The following CNTNAP4 variants were observed in gnomAD, a reference collection of about 807,000 sequenced individuals.
CNTNAP4 encodes contactin-associated protein-like 4.
In CNTNAP4, 98 loss-of-function variants were observed where a neutral mutation model predicts 148.4. The observed-to-expected ratio is 0.66, with a 90% CI of 0.56 to 0.78. CNTNAP4 has a LOEUF of 0.78. Among genes scored for constraint, CNTNAP4 ranks in the 30% least tolerant of loss-of-function variants. The probability of loss-of-function intolerance (pLI) is 0.00; values close to 1 mark genes in which losing one functional copy is unlikely to be tolerated. For missense variants in CNTNAP4, 1,935 were observed against 1,565.6 expected, an observed-to-expected ratio of 1.24 and a Z score of -3.98; for synonymous variants, 730 against 565.1, an observed-to-expected ratio of 1.29 and a Z score of -4.14.
chr16:76,540,870 C>T lies in CNTNAP4; in HGVS notation c.3442+80C>T, dbSNP rs929854499. Reference sequence around the variant, plus strand: ...TGGATCAGAAAAGTCATATTACACACACCCACTTCGTCATGGCAAAGGAAA... The same window carrying T: ...TGGATCAGAAAAGTCATATTACACATACCCACTTCGTCATGGCAAAGGAAA... On this transcript the variant is annotated intron_variant, in intron 21 of 23. Coordinates refer to ENST00000611870, the MANE Select transcript of CNTNAP4 (RefSeq NM_033401.5). The T allele has an allele frequency of 9.8e-6, 9 of 918,192 alleles. No homozygotes were observed. In the African/African-American group the frequency reaches 1.3e-4, roughly 14 times the overall value. 56.9% of individuals were successfully genotyped at this position (918,192 alleles called of 1,614,324 possible). A position where few individuals can be genotyped will look rare whatever the true frequency, so the allele number is the denominator to read the frequency against.
Position 76,509,258 on chromosome 16 carries a change from G to A in CNTNAP4, c.2365+10564G>A, listed in dbSNP as rs553375365. On this transcript the variant is annotated intron_variant, in intron 15 of 23. Transcript: ENST00000611870. ...TCATGGTGGTTGAGGACCGTCCTGT[G>A]CATTGTTGGAGCTAAGCAGTATCCC... Among the ~76,000 whole-genome samples, 126 of 96,390 alleles carry A rather than the reference G, an allele frequency of 1.3e-3. 22 individuals are homozygous for A. Among genetic ancestry groups the A allele is most frequent in the African/African-American group, 2.7e-3 (104 of 38,634 alleles). 63.2% of individuals were successfully genotyped at this position (96,390 alleles called of 152,430 possible). A position where few individuals can be genotyped will look rare whatever the true frequency, so the allele number is the denominator to read the frequency against.
Position 76,277,716 on chromosome 16 carries a change from A to G in CNTNAP4, c.54A>G (p.Gln18=), listed in dbSNP as rs1169375325. The change falls in exon 1 of 24, where the codon CAA becomes CAG. Residue 18 remains glutamine, a synonymous_variant. Transcript: ENST00000611870. ...AGACGCTACTTCTGTTATCTACTCA[A>G]AATTGGAACAGAGTCGAAGCTGGGA... ...VLKTLLLLST[Q]NWNRVEAGNS... 2 of 1,604,814 alleles carry G rather than the reference A, an allele frequency of 1.2e-6. No homozygotes were observed. Among genetic ancestry groups the G allele is most frequent in the African/African-American group, 1.3e-5 (1 of 74,962 alleles).
intron 2 of CNTNAP4, among the ~76,000 whole-genome samples, chr16:76,351,363 C>CA (rs56676992): frequency 0.042 from 5,855 of 140,626 alleles, 352 homozygotes; most frequent in African/African-American, 0.13. Flanking sequence ...TAGGCTGGCC[C>CA]AAAAAAAAAA....
intron 17 of CNTNAP4, among the ~76,000 whole-genome samples, chr16:76,534,922 G>A (rs1392861702): frequency 2.6e-5 from 4 of 152,128 alleles, no homozygotes; most frequent in Admixed American, 6.5e-5. Context: ...TTTCTGTATC[G>A]ATCCCCTTTT....
intron 15 of CNTNAP4, among the ~76,000 whole-genome samples, chr16:76,520,360 T>G (rs991747824): frequency 1.3e-5 from 2 of 152,212 alleles, no homozygotes; most frequent in Admixed American, 1.3e-4. Flanking sequence ...AAATTAAAGA[T>G]AAGTGGTATT....
At chr16:76,442,106 G>A (rs760772230) in intron 4 of CNTNAP4, among the ~76,000 whole-genome samples, 53 of 152,050 alleles carry the variant, frequency 3.5e-4, no homozygotes, top group African/African-American at 1.1e-3. Context: ...TTATCCAGGC[G>A]GACCTGATGT....
At chr16:76,293,313 C>T (rs898711898) in intron 1 of CNTNAP4, among the ~76,000 whole-genome samples, 1 of 151,962 alleles carries the variant, frequency 6.6e-6, no homozygotes, top group Non-Finnish European at 1.5e-5. Context: ...TTAGTAGAGA[C>T]GGGGTTTCAC....
chr16:76,366,542 C>T (rs1200452263), intron 3 of CNTNAP4, among the ~76,000 whole-genome samples: 4 of 152,144 alleles, frequency 2.6e-5, no homozygotes, highest in African/African-American at 9.7e-5. Context: ...CATTGATGGG[C>T]ATTTATGTTG....
chr16:76,292,001 T>C (rs1474597814), intron 1 of CNTNAP4, among the ~76,000 whole-genome samples: 4 of 152,220 alleles, frequency 2.6e-5, no homozygotes, highest in African/African-American at 9.6e-5. Context: ...ATCAAGTGGA[T>C]ATACTTTTAT....
rs140973943 is a variant in CNTNAP4 at position 76,409,732 on chromosome 16, A to G, written c.391-17720A>G. Among the ~76,000 whole-genome samples the G allele has an allele frequency of 2.0e-3, 301 of 152,080 alleles. 1 individual carries two copies. The highest frequency in any genetic ancestry group is 6.9e-3 in the African/African-American group (286 of 41,550). On this transcript the variant is annotated intron_variant, in intron 3 of 23. Transcript: ENST00000611870. ...AATAATTATTTGGCTTTATTTCCCA[A>G]ATGGAATTGTCACTTTGATCAAAGC...
At chr16:76,316,352 A>C (rs555020134) in intron 1 of CNTNAP4, 61 bp from the exon 2 acceptor site, 2 of 1,068,596 alleles carry the variant, frequency 1.9e-6, no homozygotes, top group East Asian at 2.4e-5. Context: ...TGTTTTGTCT[A>C]TTGATTCCAC....
chr16:76,431,720 G>A (rs2079613465), intron 4 of CNTNAP4, among the ~76,000 whole-genome samples: 2 of 152,062 alleles, frequency 1.3e-5, no homozygotes, highest in South Asian at 4.1e-4. Flanking sequence ...ATATTCTTAG[G>A]ATATTGAATC....
chr16:76,285,864 C>T (rs1370508257), intron 1 of CNTNAP4, among the ~76,000 whole-genome samples: 1 of 151,868 alleles, frequency 6.6e-6, no homozygotes, highest in African/African-American at 2.4e-5. Flanking sequence ...CTTGAACAGA[C>T]ATTTGATTCC....
At chr16:76,437,997 TAATAA>T (rs2079894819) in intron 4 of CNTNAP4, among the ~76,000 whole-genome samples, 1 of 152,238 alleles carries the variant, frequency 6.6e-6, no homozygotes, top group East Asian at 1.9e-4. Context: ...TTTAAGGTAT[TAATAA>T]AATGAAAGAA....
At chr16:76,451,636 T>TGTGTGTGTGTGTGTGTGTGTGTGTGTGTG in intron 7 of CNTNAP4, among the ~76,000 whole-genome samples, 1 of 151,652 alleles carries the variant, frequency 6.6e-6, no homozygotes, top group Non-Finnish European at 1.5e-5. Flanking sequence ...TGTGTGTGTA[T>TGTGTGTGTGTGTGTGTGTGTGTGTGTGTG]TTTATCCATA....
At chr16:76,383,395 G>GAAAAAAAAAAAAAAAAAAAGAAAAAA (rs34346486) in intron 3 of CNTNAP4, among the ~76,000 whole-genome samples, 1 of 58,270 alleles carries the variant, frequency 1.7e-5, no homozygotes. Context: ...TACAGGAACA[G>GAAAAAAAAAAAAAAAAAAAGAAAAAA]AAAAAAAAAA....
intron 1 of CNTNAP4, among the ~76,000 whole-genome samples, chr16:76,309,090 C>T (rs1283888856): frequency 1.3e-5 from 2 of 151,858 alleles, no homozygotes; most frequent in African/African-American, 4.8e-5. Context: ...CAAGCATGAG[C>T]GAGCACACCT....
At chr16:76,360,273 A>T (rs1013070864) in intron 3 of CNTNAP4, among the ~76,000 whole-genome samples, 4 of 152,214 alleles carry the variant, frequency 2.6e-5, no homozygotes, top group African/African-American at 9.6e-5. Context: ...CAAAATATTC[A>T]GGCCATTATT....
At chr16:76,282,410 G>A (rs879365034) in intron 1 of CNTNAP4, among the ~76,000 whole-genome samples, 28 of 151,950 alleles carry the variant, frequency 1.8e-4, no homozygotes, top group African/African-American at 5.5e-4. Flanking sequence ...ACAAGTAATT[G>A]CAACTTAGAT....
Sources: gnomAD v4.1 joint callset for allele counts (sites outside exome capture counted in the v4.1 genomes callset) on GRCh38, gnomAD v4.1.1 for gene constraint, MANE v1.5 for transcripts, NCBI Gene and HGNC (gene_info 2026-07-23, HGNC 2026-07-21) for gene names.